GRIN2B: variants seen among roughly 807,000 people sequenced by gnomAD.
GRIN2B encodes glutamate receptor ionotropic, NMDA 2B.
Under a neutral mutation model 114.5 loss-of-function variants are expected in GRIN2B, and 5 were observed. That is an observed-to-expected ratio of 0.04 (90% CI 0.02 to 0.09). The LOEUF (loss-of-function observed/expected upper bound fraction) is 0.09, where lower values mean the gene tolerates loss of function less well. Among genes scored for constraint, GRIN2B ranks in the 10% least tolerant of loss-of-function variants. The pLI is 1.00. For missense variants in GRIN2B, 1,108 were observed against 1,943.5 expected, an observed-to-expected ratio of 0.57 and a Z score of 8.08; for synonymous variants, 787 against 745.1, an observed-to-expected ratio of 1.06 and a Z score of -0.92.
At chr12:13,859,508 T>C (rs1008740510) in intron 3 of GRIN2B, among the ~76,000 whole-genome samples, 3 of 152,186 alleles carry the variant, frequency 2.0e-5, no homozygotes, top group Non-Finnish European at 2.9e-5. Flanking sequence ...AAGTTTCCAG[T>C]GCCTTAGAGA....
chr12:13,945,557 A>T (rs540782126), intron 2 of GRIN2B, among the ~76,000 whole-genome samples: 1 of 152,104 alleles, frequency 6.6e-6, no homozygotes, highest in Non-Finnish European at 1.5e-5. Flanking sequence ...TTTTCTATAG[A>T]CCACTTCCAC....
intron 5 of GRIN2B, among the ~76,000 whole-genome samples, chr12:13,656,985 T>C (rs1949871122): frequency 6.6e-6 from 1 of 152,180 alleles, no homozygotes; most frequent in Admixed American, 6.5e-5. Context: ...CATTTCTTTC[T>C]GGGATACTAG....
intron 10 of GRIN2B, among the ~76,000 whole-genome samples, chr12:13,601,970 C>T (rs908031793): frequency 6.6e-6 from 1 of 152,102 alleles, no homozygotes; most frequent in East Asian, 1.9e-4. Context: ...TGGGGGTAGC[C>T]AACCCTGATG....
intron 3 of GRIN2B, among the ~76,000 whole-genome samples, chr12:13,788,230 C>A (rs1056057469): frequency 6.6e-6 from 1 of 151,998 alleles, no homozygotes; most frequent in African/African-American, 2.4e-5. Context: ...CACTTTGTTC[C>A]AAAGAAAAGA....
chr12:13,641,553 G>A (rs1191501334), intron 5 of GRIN2B, among the ~76,000 whole-genome samples: 2 of 152,052 alleles, frequency 1.3e-5, no homozygotes, highest in African/African-American at 4.8e-5. Context: ...CCAATTTGTT[G>A]AGGTCATTTT....
At position 13,763,580 on chromosome 12, in the gene GRIN2B, T is replaced by C. The variant is rs117790472; in HGVS notation, c.412-9665A>G. On this transcript the variant is annotated intron_variant, in intron 3 of 13. Coordinates refer to ENST00000609686, the MANE Select transcript of GRIN2B (RefSeq NM_000834.5). ...CTACCGTTTCCTGTTCTATACGAGA[T>C]GATTAGGGCATTATTAGTGTCAACA... Among the ~76,000 whole-genome samples, 19 of 152,210 alleles carry C rather than the reference T, an allele frequency of 1.2e-4. No individual in the cohort carries two copies. In the East Asian group the frequency reaches 2.7e-3, roughly 22 times the overall value.
chr12:13,919,614 G>A (rs771202236), intron 2 of GRIN2B, among the ~76,000 whole-genome samples: 14 of 151,994 alleles, frequency 9.2e-5, no homozygotes, highest in Non-Finnish European at 1.6e-4. Context: ...TTTTAAGACC[G>A]TGCATCAACT....
rs1270771804 is a variant in GRIN2B, at chr12:13,548,700, C to T, written c.*14083G>A. 1 of 151,770 alleles carries T rather than the reference C, an allele frequency of 6.6e-6. No homozygotes were observed. The highest frequency in any genetic ancestry group is 6.6e-5 in the Admixed American group (1 of 15,242). 9.4% of individuals were successfully genotyped at this position (151,770 alleles called of 1,614,324 possible). ...TCTCTCTTAGCTTACTATGATAACA[C>T]GATTTTATGTGAATTATTGGGAGGC... On this transcript the variant is annotated 3_prime_UTR_variant, in exon 14 of 14. Coordinates refer to ENST00000609686, the MANE Select transcript of GRIN2B (RefSeq NM_000834.5).
intron 10 of GRIN2B, among the ~76,000 whole-genome samples, chr12:13,608,045 TA>T (rs1313691951): frequency 6.6e-6 from 1 of 152,098 alleles, no homozygotes; most frequent in Non-Finnish European, 1.5e-5. Flanking sequence ...CTGCAATTAG[TA>T]AGGGGGCAGC....
At chr12:13,622,526 G>A (rs74067236) in intron 5 of GRIN2B, among the ~76,000 whole-genome samples, 14,821 of 151,938 alleles carry the variant, frequency 0.098, 1,461 homozygotes, top group African/African-American at 0.26. Flanking sequence ...ACTTCATTTT[G>A]CTCAATCTTT....
At chr12:13,811,907 G>C (rs191676591) in intron 3 of GRIN2B, among the ~76,000 whole-genome samples, 1 of 152,128 alleles carries the variant, frequency 6.6e-6, no homozygotes, top group South Asian at 2.1e-4. Flanking sequence ...CAAAGCTCAG[G>C]GTTTATGAAT....
Position 13,617,979 on chromosome 12 carries a change from CA to C in GRIN2B, c.1126-1323del, listed in dbSNP as rs1308462520. On this transcript the variant is annotated intron_variant, in intron 5 of 13. Coordinates refer to ENST00000609686, the MANE Select transcript of GRIN2B (RefSeq NM_000834.5). Reference sequence around the variant, plus strand: ...TAGGCTATCTTATTTGGTACCTACACAGTCCTTGTTTGGCTGATGCTGGTTG... The same window carrying C: ...TAGGCTATCTTATTTGGTACCTACACGTCCTTGTTTGGCTGATGCTGGTTG... 9.8e-5 allele frequency among the ~76,000 whole-genome samples: 15 copies of C among 152,340 alleles called. No homozygotes were observed. In the East Asian group the frequency reaches 2.3e-3, roughly 23 times the overall value.
At chr12:13,800,881 T>C (rs1006979117) in intron 3 of GRIN2B, among the ~76,000 whole-genome samples, 2 of 152,152 alleles carry the variant, frequency 1.3e-5, no homozygotes, top group African/African-American at 4.8e-5. Flanking sequence ...TGTAAATACA[T>C]AAGAAAATGA....
chr12:13,804,053 A>G (rs939777863), intron 3 of GRIN2B, among the ~76,000 whole-genome samples: 1 of 152,042 alleles, frequency 6.6e-6, no homozygotes, highest in Non-Finnish European at 1.5e-5. Flanking sequence ...TTGCCAAATT[A>G]TATCTTTTCA....
intron 11 of GRIN2B, among the ~76,000 whole-genome samples, chr12:13,570,766 C>A (rs935076697): frequency 6.6e-6 from 1 of 152,174 alleles, no homozygotes; most frequent in Non-Finnish European, 1.5e-5. Context: ...AACATTTAAA[C>A]ATATCAAAGG....
chr12:13,876,980 A>G (rs1865999710), intron 2 of GRIN2B, among the ~76,000 whole-genome samples: 1 of 152,196 alleles, frequency 6.6e-6, no homozygotes, highest in Non-Finnish European at 1.5e-5. Flanking sequence ...TTCATTTCTC[A>G]AGGGTTATTA....
chr12:13,844,177 C>G (rs147314392), intron 3 of GRIN2B, among the ~76,000 whole-genome samples: 2 of 152,202 alleles, frequency 1.3e-5, no homozygotes, highest in East Asian at 1.9e-4. Flanking sequence ...CAGGAGGGGA[C>G]GGATAAGGTG....
chr12:13,552,611 T>C lies in GRIN2B; in HGVS notation c.*10172A>G, dbSNP rs1948426864. On this transcript the variant is annotated 3_prime_UTR_variant, in exon 14 of 14. Transcript: ENST00000609686. ...TGAACGTCCTTCATGAGGATGGCTG[T>C]CTTCCTACCCTCCCACCAGCTGTTT... 1.3e-5 allele frequency: 2 copies of C among 152,118 alleles called. No homozygotes were observed. Among genetic ancestry groups the C allele is most frequent in the African/African-American group, 4.8e-5 (2 of 41,418 alleles). The allele number at this position is 152,118 out of a possible 1,614,324, so 9.4% of individuals were successfully genotyped here. A position where few individuals can be genotyped will look rare whatever the true frequency, so the allele number is the denominator to read the frequency against.
intron 4 of GRIN2B, among the ~76,000 whole-genome samples, chr12:13,715,131 G>A (rs139488845): frequency 4.7e-4 from 72 of 151,910 alleles, no homozygotes; most frequent in African/African-American, 1.7e-3. Context: ...TAATGAAGAA[G>A]ACAATGATGT....
Sources: allele counts gnomAD v4.1 joint callset (sites outside exome capture counted in the v4.1 genomes callset), GRCh38; gene constraint gnomAD v4.1.1; transcripts MANE v1.5; gene names NCBI Gene and HGNC (gene_info 2026-07-23, HGNC 2026-07-21).